The following THAP4 variants were observed in gnomAD, a reference collection of about 807,000 sequenced individuals.
THAP4 encodes the protein peroxynitrite isomerase THAP4.
THAP4 carries 18 observed loss-of-function variants against 48.1 expected under a neutral mutation model. The observed-to-expected ratio is 0.37, with a 90% CI of 0.26 to 0.56. THAP4 has a LOEUF of 0.56. THAP4 is among the 20% of genes least tolerant of loss of function. THAP4 has a pLI of 0.78. For synonymous variants in THAP4, 345 were observed against 324.9 expected (o/e 1.06, Z -0.66); for missense variants, 656 against 774.9 (o/e 0.85, Z 1.82).
intron 2 of THAP4, among the ~76,000 whole-genome samples, chr2:241,622,557 A>G (rs528775615): frequency 6.6e-6 from 1 of 152,070 alleles, no homozygotes; most frequent in South Asian, 2.1e-4. Context: ...GTAAAATAAA[A>G]TCTTTTCTTA....
intron 5 of THAP4, among the ~76,000 whole-genome samples, chr2:241,596,183 A>AAAAC (rs777506609): frequency 1.9e-4 from 29 of 152,060 alleles, no homozygotes; most frequent in African/African-American, 5.8e-4. Flanking sequence ...ATCCAGAACC[A>AAAAC]AAACAAACAA....
intron 2 of THAP4, among the ~76,000 whole-genome samples, chr2:241,624,963 G>A (rs1053832468): frequency 8.5e-5 from 13 of 152,194 alleles, no homozygotes; most frequent in African/African-American, 3.1e-4. Context: ...CTGGGGCAGA[G>A]ACTAAATATA....
At chr2:241,635,704 G>A (rs2067632166) in intron 1 of THAP4, among the ~76,000 whole-genome samples, 1 of 152,074 alleles carries the variant, frequency 6.6e-6, no homozygotes, top group South Asian at 2.1e-4. Flanking sequence ...CAGGAGCGGG[G>A]GTTGCAGTGA....
At position 241,608,945 on chromosome 2, in the gene THAP4, G is replaced by A. The variant is rs139107236; in HGVS notation, c.1241-2472C>T. ...TGCCAGAGACGGAGGTCCTGGGTAC[G>A]TAGGCCTGGTCTTGCTGGAGAGGAA... On this transcript the variant is annotated intron_variant, in intron 2 of 5. Transcript: ENST00000407315. Among the ~76,000 whole-genome samples, 465 of 152,340 alleles carry A rather than the reference G, an allele frequency of 3.1e-3. 1 individual carries two copies. The highest frequency in any genetic ancestry group is 8.8e-3 in the African/African-American group (367 of 41,574).
chr2:241,634,477 T>C (rs1327499448), intron 1 of THAP4, among the ~76,000 whole-genome samples: 2 of 152,190 alleles, frequency 1.3e-5, no homozygotes, highest in Non-Finnish European at 1.5e-5. Context: ...GGTAGGACTC[T>C]GGGTACCAAA....
intron 1 of THAP4, among the ~76,000 whole-genome samples, chr2:241,636,701 C>T (rs1005570195): frequency 4.6e-5 from 7 of 152,078 alleles, no homozygotes; most frequent in African/African-American, 1.7e-4. Context: ...AGGCGCCGGC[C>T]GGATCGATCG....
In THAP4 at chr2:241,610,379, C is replaced by G. The variant is rs1206724230; in HGVS notation, c.1241-3906G>C. Among the ~76,000 whole-genome samples the G allele has an allele frequency of 1.3e-5, 2 of 152,338 alleles. No homozygotes were observed. Among genetic ancestry groups the G allele is most frequent in the East Asian group, 3.9e-4 (2 of 5,172 alleles). ...CTCGCCCCCCAGCGCCAGGGTCACG[C>G]CACCGCGCCCTGTTTGGGGAGCGGC... is the stretch of plus-strand genomic sequence containing the variant. On this transcript the variant is annotated intron_variant, in intron 2 of 5. Coordinates refer to ENST00000407315, the MANE Select transcript of THAP4 (RefSeq NM_015963.6). The surrounding 1 kb of genome is among the most constrained non-coding windows in gnomAD (Gnocchi z 4.2).
intron 2 of THAP4, among the ~76,000 whole-genome samples, chr2:241,627,475 CGGA>C (rs1481570179): frequency 3.3e-5 from 5 of 152,192 alleles, no homozygotes; most frequent in Non-Finnish European, 2.9e-5. Context: ...TCGCTGCTGG[CGGA>C]GAAGAACACT....
At position 241,615,707 on chromosome 2, in the gene THAP4, G is replaced by A. The variant is rs187156446; in HGVS notation, c.1241-9234C>T. On this transcript the variant is annotated intron_variant, in intron 2 of 5. Coordinates refer to ENST00000407315, the MANE Select transcript of THAP4 (RefSeq NM_015963.6). ...TGGGGCAGGTGCAGAGGGCCAGAGA[G>A]GGCTGGAGCCACACACAGCGCCCTG... Among the ~76,000 whole-genome samples, 197 of 152,364 alleles carry A rather than the reference G, an allele frequency of 1.3e-3. 1 individual carries two copies. The highest frequency in any genetic ancestry group is 4.7e-3 in the African/African-American group (194 of 41,590).
chr2:241,601,968 G>A lies in THAP4; in HGVS notation c.1542C>T (p.Asn514=), dbSNP rs375886206. Residue 514 remains asparagine (N), a synonymous_variant, in exon 5 of 6, where the codon AAC becomes AAT. Transcript: ENST00000407315. This position sits in a 1 kb window ranked among gnomAD's most constrained non-coding sequence, Gnocchi z 4.0. The part of the protein sequence containing the change: ...GVVEVEEGEV[N]GQELCIASHS... ...GGGATGCGATGCACAGCTCCTGCCC[G>A]TTCACCTCGCCCTCCTCCACTTCCA... 83 of 1,612,234 alleles carry A rather than the reference G, an allele frequency of 5.1e-5. No individual in the cohort carries two copies. Among genetic ancestry groups the A allele is most frequent in the Middle Eastern group, 2.1e-4 (1 of 4,840 alleles).
chr2:241,628,683 T>A (rs1251927389), intron 2 of THAP4, among the ~76,000 whole-genome samples: 3 of 144,920 alleles, frequency 2.1e-5, no homozygotes, highest in Non-Finnish European at 4.5e-5. Context: ...TTTTTTAAAG[T>A]CATGGCTGGG....
intron 5 of THAP4, chr2:241,592,317 C>T (rs905079342): frequency 6.6e-6 from 1 of 152,510 alleles, no homozygotes; most frequent in Non-Finnish European, 1.5e-5. Context: ...CAGACACACA[C>T]AGCACAGGGA....
chr2:241,603,608 GC>G (rs1464705767), intron 3 of THAP4, among the ~76,000 whole-genome samples: 1 of 151,948 alleles, frequency 6.6e-6, no homozygotes, highest in Non-Finnish European at 1.5e-5. Flanking sequence ...GCATATCCTT[GC>G]CCTGGGCCCG....
chr2:241,617,010 G>C (rs1403510920), intron 2 of THAP4, among the ~76,000 whole-genome samples: 2 of 152,202 alleles, frequency 1.3e-5, no homozygotes, highest in Non-Finnish European at 1.5e-5. Flanking sequence ...CGTGGCAGCA[G>C]CCTAGCCACT....
chr2:241,626,253 CAACATG>C (rs2067494954), intron 2 of THAP4, among the ~76,000 whole-genome samples: 1 of 151,928 alleles, frequency 6.6e-6, no homozygotes, highest in Non-Finnish European at 1.5e-5. Context: ...CCAGCCTGGC[CAACATG>C]GTGAAATCCC....
chr2:241,621,568 A>C (rs540991567), intron 2 of THAP4, among the ~76,000 whole-genome samples: 21 of 152,300 alleles, frequency 1.4e-4, no homozygotes, highest in African/African-American at 4.8e-4. Context: ...ACTGAGTTGA[A>C]GATATGTCAA....
chr2:241,611,300 G>A (rs962221007), intron 2 of THAP4, among the ~76,000 whole-genome samples: 5 of 152,138 alleles, frequency 3.3e-5, no homozygotes, highest in Admixed American at 2.6e-4. Context: ...CAAACAGCAG[G>A]CCCAGGGCAC....
Position 241,633,707 on chromosome 2 carries a change from T to C in THAP4, c.450A>G (p.Gln150=), listed in dbSNP as rs1249183283. Residue 150 remains glutamine, a synonymous_variant, in exon 2 of 6, where the codon CAA becomes CAG. Coordinates refer to ENST00000407315, the MANE Select transcript of THAP4 (RefSeq NM_015963.6). This position sits in a 1 kb window ranked among gnomAD's most constrained non-coding sequence, Gnocchi z 7.5. ...GGGCCGCCCTGGGTGTGGCTTCACC[T>C]TGCAGAGCAGCTTGCTTCAACCTGC... The part of the protein sequence containing the change: ...ESRRLKQAAL[Q]GEATPRAAQE... 5 of 1,611,698 alleles carry C rather than the reference T, an allele frequency of 3.1e-6. No homozygotes were observed. The African/African-American group carries it at 6.7e-5, about 22-fold the overall frequency.
intron 2 of THAP4, among the ~76,000 whole-genome samples, chr2:241,627,182 T>C (rs929584870): frequency 1.3e-5 from 2 of 152,220 alleles, no homozygotes; most frequent in Non-Finnish European, 2.9e-5. Flanking sequence ...TACTGATTCA[T>C]TGCTACAAAT....
Sources: gnomAD v4.1 joint callset for allele counts (sites outside exome capture counted in the v4.1 genomes callset) on GRCh38, gnomAD v4.1.1 for gene constraint, Gnocchi (gnomAD v3.1) non-coding constraint, MANE v1.5 for transcripts, NCBI Gene and HGNC (gene_info 2026-07-23, HGNC 2026-07-21) for gene names.